Variants in IMPACT observed in about 807,000 individuals in gnomAD.
The protein encoded by IMPACT is protein IMPACT.
A neutral mutation model predicts 47.5 loss-of-function variants in IMPACT; 35 were observed. That is an observed-to-expected ratio of 0.74 (90% confidence interval 0.56 to 0.98). IMPACT has a LOEUF of 0.98. IMPACT is among the 50% of genes least tolerant of loss of function. The pLI is 0.00. For synonymous variants in IMPACT, 118 were observed against 125.6 expected (o/e 0.94, Z 0.40); for missense variants, 373 against 394.8 (o/e 0.94, Z 0.47).
Position 24,450,692 on chromosome 18 carries a change from A to G in IMPACT, c.895-87A>G, listed in dbSNP as rs1909362534. ...ATGTATGAATATATGTGGAATATAT[A>G]TGTGTAAATATATTCTAAGTGATTA... On this transcript the variant is annotated intron_variant, in intron 10 of 10. Transcript: ENST00000284202. The G allele has an allele frequency of 3.9e-6, 3 of 772,820 alleles. No individual in the cohort carries two copies. In the South Asian group the frequency reaches 5.2e-5, roughly 13 times the overall value. The allele number at this position is 772,820 out of a possible 1,614,324, so 47.9% of individuals were successfully genotyped here.
At chr18:24,437,408 A>T (rs962544307) in intron 4 of IMPACT, among the ~76,000 whole-genome samples, 3 of 152,220 alleles carry the variant, frequency 2.0e-5, no homozygotes, top group African/African-American at 7.2e-5. Flanking sequence ...CAATTTAGGC[A>T]ATAGAATGTT....
Position 24,426,806 on chromosome 18 carries a change from G to C in IMPACT, c.36+14G>C, listed in dbSNP as rs1908620316. On this transcript the variant is annotated intron_variant, in intron 1 of 10. Coordinates refer to ENST00000284202, the MANE Select transcript of IMPACT (RefSeq NM_018439.4). ...GACCAGAGGCAGGTGAGGCCCCGGC[G>C]GGGTGCTGTCTCTCCAGGCTCGGCT... The C allele has an allele frequency of 8.1e-7, 1 of 1,238,078 alleles. No individual in the cohort carries two copies. Among genetic ancestry groups the C allele is most frequent in the East Asian group, 3.2e-5 (1 of 31,698 alleles). 76.7% of individuals were successfully genotyped at this position (1,238,078 alleles called of 1,614,324 possible).
At chr18:24,437,898 A>G in intron 4 of IMPACT, 57 bp from the exon 5 acceptor site, 1 of 824,122 alleles carries the variant, frequency 1.2e-6, no homozygotes, top group East Asian at 2.5e-5. Context: ...ATCTTCTTGA[A>G]TTTGAGAAGA....
At chr18:24,430,772 A>G (rs1312399214) in intron 4 of IMPACT, among the ~76,000 whole-genome samples, 1 of 152,192 alleles carries the variant, frequency 6.6e-6, no homozygotes, top group African/African-American at 2.4e-5. Context: ...TGCTAAAAGG[A>G]TCTTAATGAA....
chr18:24,443,031 T>C lies in IMPACT; in HGVS notation c.491-18T>C. 7.3e-7 allele frequency: 1 copy of C among 1,371,062 alleles called. No individual in the cohort carries two copies. The highest frequency in any genetic ancestry group is 1.0e-6 in the Non-Finnish European group (1 of 975,972). The allele number at this position is 1,371,062 out of a possible 1,614,324, so 84.9% of individuals were successfully genotyped here. A position where few individuals can be genotyped will look rare whatever the true frequency, so the allele number is the denominator to read the frequency against. On this transcript the variant is annotated intron_variant, in intron 6 of 10. Transcript: ENST00000284202. ...ATGTAAGGCTTTTTAAAAAATAAAG[T>C]TTCTTTTACATTTCTAGAAGTAGAA...
chr18:24,434,459 A>T (rs1233193512), intron 4 of IMPACT, among the ~76,000 whole-genome samples: 3 of 152,082 alleles, frequency 2.0e-5, no homozygotes, highest in Non-Finnish European at 4.4e-5. Context: ...ATGGAGAAGA[A>T]GGTCAGTTAA....
At chr18:24,427,855 G>A in intron 1 of IMPACT, 64 bp from the exon 2 acceptor site, 2 of 1,455,556 alleles carry the variant, frequency 1.4e-6, no homozygotes, top group Non-Finnish European at 9.4e-7. Flanking sequence ...ACCTTATAAA[G>A]TAGTAAGAAT....
Position 24,430,337 on chromosome 18 carries a change from A to G in IMPACT, c.234A>G (p.Lys78=). ...TTAATCTTAGTGCTCCTTGGCTTAA[A>G]GGGCAAGAACGTGCGGATTTATCAA... The part of the protein sequence containing the change: ...PIYQLNAPWL[K]GQERADLSNS... Residue 78 remains lysine (K), a synonymous_variant, in exon 4 of 11, where the codon AAA becomes AAG. Coordinates refer to ENST00000284202, the MANE Select transcript of IMPACT (RefSeq NM_018439.4). 1.3e-6 allele frequency: 2 copies of G among 1,596,934 alleles called. No individual in the cohort carries two copies. The highest frequency in any genetic ancestry group is 1.7e-6 in the Non-Finnish European group (2 of 1,174,030).
chr18:24,443,198 T>C, intron 7 of IMPACT, 46 bp downstream of exon 7: 1 of 885,816 alleles, frequency 1.1e-6, no homozygotes, highest in Non-Finnish European at 1.8e-6. Flanking sequence ...CTAAAATAAT[T>C]CAGGTAAATG....
chr18:24,448,411 A>G (rs1313998274), intron 9 of IMPACT, among the ~76,000 whole-genome samples: 1 of 152,238 alleles, frequency 6.6e-6, no homozygotes, highest in African/African-American at 2.4e-5. Flanking sequence ...CAAGACATAG[A>G]CAATAGAAGA....
intron 5 of IMPACT, among the ~76,000 whole-genome samples, 182 bp from the exon 6 acceptor site, chr18:24,440,314 G>A (rs893551002): frequency 4.6e-5 from 7 of 152,112 alleles, no homozygotes; most frequent in African/African-American, 1.7e-4. Flanking sequence ...TCCACATGAG[G>A]TTCCAGGTTC....
At chr18:24,449,543 C>T (rs1909325468) in intron 9 of IMPACT, among the ~76,000 whole-genome samples, 1 of 152,154 alleles carries the variant, frequency 6.6e-6, no homozygotes, top group Non-Finnish European at 1.5e-5. Flanking sequence ...CTTGCATGGT[C>T]TCCCCTTCAC....
At position 24,430,360 on chromosome 18, in the gene IMPACT, C is replaced by T. The variant is rs763726489; in HGVS notation, c.257C>T (p.Ser86Leu). 2 of 1,597,998 alleles carry T rather than the reference C, an allele frequency of 1.3e-6. No individual in the cohort carries two copies. Among genetic ancestry groups the T allele is most frequent in the Non-Finnish European group, 1.7e-6 (2 of 1,174,386 alleles). Residue 86 changes from serine to leucine, a missense_variant, in exon 4 of 11, where the codon TCA becomes TTA. Coordinates refer to ENST00000284202, the MANE Select transcript of IMPACT (RefSeq NM_018439.4). ...WLKGQERADL[S>L]NSLEEIYIQN... ...AAAGGGCAAGAACGTGCGGATTTAT[C>T]AAATAGCCTTGAGGAAATATATATG...
chr18:24,441,983 C>T (rs988536639), intron 6 of IMPACT, among the ~76,000 whole-genome samples: 2 of 152,180 alleles, frequency 1.3e-5, no homozygotes, highest in Middle Eastern at 3.4e-3. Context: ...TATGTTAGTA[C>T]AGCAGTCAAA....
intron 6 of IMPACT, among the ~76,000 whole-genome samples, chr18:24,442,634 C>A (rs1353299778): frequency 2.6e-5 from 4 of 152,058 alleles, no homozygotes; most frequent in Non-Finnish European, 5.9e-5. Flanking sequence ...ATAGTTTTCC[C>A]AACTCAGAGG....
chr18:24,444,770 G>GA (rs937005825), intron 7 of IMPACT, among the ~76,000 whole-genome samples: 1 of 152,178 alleles, frequency 6.6e-6, no homozygotes, highest in Admixed American at 6.5e-5. Flanking sequence ...ACTTATAGTA[G>GA]AAAAATTACT....
chr18:24,429,329 C>A (rs1159874803), intron 3 of IMPACT, among the ~76,000 whole-genome samples: 1 of 152,286 alleles, frequency 6.6e-6, no homozygotes, highest in Admixed American at 6.5e-5. Flanking sequence ...TGGTGTTTCT[C>A]CCTGCCCCTT....
At chr18:24,430,065 C>T (rs1421724164) in intron 3 of IMPACT, among the ~76,000 whole-genome samples, 4 of 152,182 alleles carry the variant, frequency 2.6e-5, no homozygotes, top group Admixed American at 6.5e-5. Flanking sequence ...GCATGAGCCA[C>T]CACGCCTGGC....
chr18:24,431,033 C>T (rs966930970), intron 4 of IMPACT, among the ~76,000 whole-genome samples: 2 of 152,248 alleles, frequency 1.3e-5, no homozygotes, highest in East Asian at 1.9e-4. Context: ...TGTACTAGAT[C>T]CTGGGTGCAG....
Sources: gnomAD v4.1 joint callset for allele counts (sites outside exome capture counted in the v4.1 genomes callset) on GRCh38, gnomAD v4.1.1 for gene constraint, MANE v1.5 for transcripts, NCBI Gene and HGNC (gene_info 2026-07-23, HGNC 2026-07-21) for gene names.